Variants in MCU observed in about 807,000 individuals in gnomAD.
The protein encoded by MCU is calcium uniporter protein, mitochondrial.
A neutral mutation model predicts 45.2 loss-of-function variants in MCU; 12 were observed. The observed-to-expected ratio is 0.27, with a 90% confidence interval of 0.17 to 0.43. The LOEUF (loss-of-function observed/expected upper bound fraction) is 0.43. MCU is among the 20% of genes least tolerant of loss of function. MCU has a pLI of 1.00. For synonymous variants in MCU, 160 were observed against 165.1 expected (o/e 0.97, Z 0.24); for missense variants, 324 against 436.7 (o/e 0.74, Z 2.30).
At chr10:72,766,094 C>T (rs753011835) in intron 1 of MCU, among the ~76,000 whole-genome samples, 20 of 152,110 alleles carry the variant, frequency 1.3e-4, no homozygotes, top group Non-Finnish European at 2.9e-4. Flanking sequence ...TCTTGAACAC[C>T]TGGCCTCAAG....
At chr10:72,769,255 A>C (rs1346748482) in intron 1 of MCU, among the ~76,000 whole-genome samples, 1 of 152,096 alleles carries the variant, frequency 6.6e-6, no homozygotes. Flanking sequence ...TTTGTTGTCA[A>C]AGGGTTTTAG....
chr10:72,812,835 G>C (rs764573202), intron 1 of MCU, among the ~76,000 whole-genome samples: 1 of 152,192 alleles, frequency 6.6e-6, no homozygotes, highest in Non-Finnish European at 1.5e-5. Context: ...TTAGTGTCCT[G>C]TGGGAGGTTG....
chr10:72,702,644 A>G (rs1842772397), intron 1 of MCU, among the ~76,000 whole-genome samples: 2 of 152,166 alleles, frequency 1.3e-5, no homozygotes, highest in South Asian at 2.1e-4. Flanking sequence ...CCTACCTGTG[A>G]GAGCTGAGGA....
intron 4 of MCU, 59 bp downstream of exon 4, chr10:72,860,586 T>G (rs1041313414): frequency 7.3e-6 from 10 of 1,372,152 alleles, no homozygotes; most frequent in Non-Finnish European, 9.3e-6. Context: ...GGAAATAACT[T>G]TATTTTTTTT....
intron 1 of MCU, among the ~76,000 whole-genome samples, chr10:72,760,157 A>G (rs1843634387): frequency 6.6e-6 from 1 of 151,818 alleles, no homozygotes; most frequent in Non-Finnish European, 1.5e-5. Flanking sequence ...TGATCTTCCT[A>G]CCTCAGCCTC....
At chr10:72,861,066 C>G (rs1845368563) in intron 4 of MCU, among the ~76,000 whole-genome samples, 1 of 152,014 alleles carries the variant, frequency 6.6e-6, no homozygotes, top group Non-Finnish European at 1.5e-5. Flanking sequence ...ACCCTGTCAC[C>G]CAGGATGGAG....
At chr10:72,815,413 GC>G (rs1826862583) in intron 1 of MCU, among the ~76,000 whole-genome samples, 1 of 152,180 alleles carries the variant, frequency 6.6e-6, no homozygotes. Flanking sequence ...CTACCCTGTG[GC>G]CCAGGAATAA....
chr10:72,842,728 A>T (rs1845065589), intron 2 of MCU, among the ~76,000 whole-genome samples: 1 of 151,996 alleles, frequency 6.6e-6, no homozygotes, highest in South Asian at 2.1e-4. Flanking sequence ...GAGGGAAAGA[A>T]TCCTTCAGGT....
At chr10:72,804,615 G>GT (rs1365030017) in intron 1 of MCU, among the ~76,000 whole-genome samples, 2 of 151,922 alleles carry the variant, frequency 1.3e-5, no homozygotes, top group African/African-American at 2.4e-5. Flanking sequence ...ATTGAAATTT[G>GT]TTTTTTTGTT....
At chr10:72,839,963 C>CAAAAAA (rs34053459) in intron 2 of MCU, among the ~76,000 whole-genome samples, 1 of 76,312 alleles carries the variant, frequency 1.3e-5, no homozygotes, top group Non-Finnish European at 2.4e-5. Flanking sequence ...GACTCCGTCT[C>CAAAAAA]AAAAAAAAAA....
chr10:72,697,095 T>C (rs1229077137), intron 1 of MCU, among the ~76,000 whole-genome samples: 1 of 152,202 alleles, frequency 6.6e-6, no homozygotes, highest in Non-Finnish European at 1.5e-5. Flanking sequence ...GATAAATATG[T>C]TTAAGAACAG....
chr10:72,872,794 C>T (rs1393159692), intron 6 of MCU, among the ~76,000 whole-genome samples: 2 of 151,974 alleles, frequency 1.3e-5, no homozygotes, highest in African/African-American at 4.8e-5. Flanking sequence ...AGTGGGATTG[C>T]CAGATTGATT....
At chr10:72,862,123 A>G (rs1320132188) in intron 4 of MCU, among the ~76,000 whole-genome samples, 3 of 151,898 alleles carry the variant, frequency 2.0e-5, no homozygotes, top group African/African-American at 7.3e-5. Context: ...CTGGGACTAC[A>G]GGTGCCCGCC....
At chr10:72,721,144 A>G (rs1843016209) in intron 1 of MCU, 1 of 154,274 alleles carries the variant, frequency 6.5e-6, no homozygotes, top group Admixed American at 6.5e-5. Context: ...CAGCTTTCTA[A>G]TTAGTCTCCC....
intron 1 of MCU, among the ~76,000 whole-genome samples, chr10:72,738,925 C>T (rs114634754): frequency 5.9e-5 from 9 of 152,166 alleles, no homozygotes; most frequent in African/African-American, 1.9e-4. Flanking sequence ...TCAAAATGCT[C>T]GGTTTTTTTT....
intron 4 of MCU, among the ~76,000 whole-genome samples, chr10:72,862,172 G>A (rs1845388558): frequency 6.6e-6 from 1 of 151,824 alleles, no homozygotes; most frequent in South Asian, 2.1e-4. Context: ...TAGTAGAGAC[G>A]GGGTTTCACC....
At chr10:72,734,224 T>G (rs1267375374) in intron 1 of MCU, among the ~76,000 whole-genome samples, 1 of 152,102 alleles carries the variant, frequency 6.6e-6, no homozygotes, top group Non-Finnish European at 1.5e-5. Context: ...CCTGCCTGGG[T>G]GATGGAGCAA....
chr10:72,743,858 C>T (rs1043834771), intron 1 of MCU, among the ~76,000 whole-genome samples: 1 of 152,076 alleles, frequency 6.6e-6, no homozygotes, highest in African/African-American at 2.4e-5. Flanking sequence ...ATATGAAATT[C>T]TCTTGGTGCC....
intron 1 of MCU, among the ~76,000 whole-genome samples, chr10:72,780,683 C>G (rs1335453809): frequency 6.6e-6 from 1 of 152,102 alleles, no homozygotes; most frequent in South Asian, 2.1e-4. Context: ...GAGCTTCTCT[C>G]CTGCTGCCCT....
Sources: gnomAD v4.1 joint callset for allele counts (sites outside exome capture counted in the v4.1 genomes callset) on GRCh38, gnomAD v4.1.1 for gene constraint, MANE v1.5 for transcripts, NCBI Gene and HGNC (gene_info 2026-07-23, HGNC 2026-07-21) for gene names.